The following CDH13 variants were observed in gnomAD, a reference collection of about 807,000 sequenced individuals.
The protein encoded by CDH13 is cadherin-13.
A neutral mutation model predicts 63.8 loss-of-function variants in CDH13; 24 were observed. The ratio of observed to expected loss-of-function variants is 0.38; its 90% CI spans 0.27 to 0.53. The LOEUF is 0.53. Ranked by LOEUF, CDH13 falls within the 20% of genes least tolerant of loss-of-function variation. The probability of loss-of-function intolerance (pLI) is 0.85; values close to 1 mark genes in which losing one functional copy is unlikely to be tolerated. For missense variants in CDH13, 1,049 were observed against 903.1 expected, an observed-to-expected ratio of 1.16 and a Z score of -2.07; for synonymous variants, 503 against 355.3, an observed-to-expected ratio of 1.42 and a Z score of -4.67.
At chr16:83,284,623 C>T (rs141579589) in intron 5 of CDH13, among the ~76,000 whole-genome samples, 2 of 152,020 alleles carry the variant, frequency 1.3e-5, no homozygotes, top group Non-Finnish European at 2.9e-5. Context: ...CTGGTCAACT[C>T]AGTGCAGAAA....
intron 1 of CDH13, among the ~76,000 whole-genome samples, chr16:82,787,270 A>G (rs755863514): frequency 1.3e-5 from 2 of 152,182 alleles, no homozygotes; most frequent in African/African-American, 2.4e-5. Context: ...ACAGCTGAGC[A>G]TGGCCAATCT....
chr16:83,475,558 A>T (rs1194077464), intron 6 of CDH13, among the ~76,000 whole-genome samples: 2 of 152,104 alleles, frequency 1.3e-5, no homozygotes, highest in Non-Finnish European at 2.9e-5. Flanking sequence ...AGCCTAGCCT[A>T]ATATAGTCTA....
At chr16:83,649,237 C>G (rs1424300454) in intron 8 of CDH13, among the ~76,000 whole-genome samples, 1 of 152,180 alleles carries the variant, frequency 6.6e-6, no homozygotes, top group Non-Finnish European at 1.5e-5. Flanking sequence ...TCAATCAGAC[C>G]CAATGAGGAT....
intron 4 of CDH13, among the ~76,000 whole-genome samples, chr16:83,173,116 A>G (rs1242611660): frequency 6.6e-6 from 1 of 152,150 alleles, no homozygotes; most frequent in Non-Finnish European, 1.5e-5. Flanking sequence ...ATATGGATTC[A>G]TGTAATTCTC....
chr16:83,655,722 G>A (rs141622724), intron 8 of CDH13, among the ~76,000 whole-genome samples: 23 of 152,326 alleles, frequency 1.5e-4, no homozygotes, highest in African/African-American at 5.5e-4. Flanking sequence ...TTTGTTCAGT[G>A]AAGACTCCCA....
At chr16:83,002,165 A>C (rs1212902719) in intron 2 of CDH13, among the ~76,000 whole-genome samples, 1 of 152,172 alleles carries the variant, frequency 6.6e-6, no homozygotes, top group Non-Finnish European at 1.5e-5. Context: ...CCTTCTTTGG[A>C]AAAAGGGTCT....
chr16:82,687,515 A>C (rs1409202334), intron 1 of CDH13, among the ~76,000 whole-genome samples: 1 of 152,148 alleles, frequency 6.6e-6, no homozygotes, highest in Non-Finnish European at 1.5e-5. Context: ...GCAAAGTCAC[A>C]TCTTGCATGG....
rs74762653 is a variant in CDH13, at chr16:83,350,269, G to C, written c.781+5263G>C. Among the ~76,000 whole-genome samples, 169 of 152,320 alleles carry C rather than the reference G, an allele frequency of 1.1e-3. 1 individual carries two copies. The highest frequency in any genetic ancestry group is 3.9e-3 in the African/African-American group (162 of 41,576). ...TGGCAGCCAGGGCAGCTGGGAGAATGGCAGCCCCCCACCCTGGACGGGTGG... is the reference window on the plus strand; with the variant it reads ...TGGCAGCCAGGGCAGCTGGGAGAATCGCAGCCCCCCACCCTGGACGGGTGG... On this transcript the variant is annotated intron_variant, in intron 6 of 13. Transcript: ENST00000567109.
chr16:82,657,769 A>G (rs188578971), intron 1 of CDH13, among the ~76,000 whole-genome samples: 1 of 152,328 alleles, frequency 6.6e-6, no homozygotes. Context: ...GCTTTTTTAC[A>G]TTAACCTCGT....
intron 3 of CDH13, among the ~76,000 whole-genome samples, chr16:83,118,951 C>A (rs1196405092): frequency 6.6e-6 from 1 of 152,184 alleles, no homozygotes; most frequent in Admixed American, 6.5e-5. Context: ...AGGTCAGCCC[C>A]ATTCCTTGTC....
chr16:83,478,215 G>C (rs1649909423), intron 6 of CDH13, among the ~76,000 whole-genome samples: 1 of 151,680 alleles, frequency 6.6e-6, no homozygotes, highest in Non-Finnish European at 1.5e-5. Flanking sequence ...TTTCAGACAT[G>C]CAGTAATTCC....
intron 4 of CDH13, among the ~76,000 whole-genome samples, chr16:83,203,106 C>T (rs1486699978): frequency 1.3e-5 from 2 of 152,174 alleles, no homozygotes; most frequent in South Asian, 4.1e-4. Context: ...CGCCTGTAAT[C>T]TTAGCTACTT....
intron 1 of CDH13, among the ~76,000 whole-genome samples, chr16:82,822,938 G>A (rs2038071462): frequency 6.6e-6 from 1 of 152,190 alleles, no homozygotes; most frequent in South Asian, 2.1e-4. Context: ...CGAGGCTGGA[G>A]TCATCTGGAA....
intron 1 of CDH13, chr16:82,823,736 T>A (rs1324424232): frequency 6.6e-6 from 1 of 152,288 alleles, no homozygotes; most frequent in South Asian, 2.1e-4. Flanking sequence ...GAAAGATAAA[T>A]GTATATGTTA....
At chr16:83,026,674 T>A (rs1337549831) in intron 2 of CDH13, among the ~76,000 whole-genome samples, 2 of 152,188 alleles carry the variant, frequency 1.3e-5, no homozygotes, top group African/African-American at 2.4e-5. Flanking sequence ...AACCCTGCTA[T>A]AGAATTGCTA....
intron 5 of CDH13, among the ~76,000 whole-genome samples, chr16:83,323,228 T>TTCTA (rs2090278602): frequency 2.7e-5 from 4 of 148,974 alleles, no homozygotes; most frequent in Non-Finnish European, 5.9e-5. Flanking sequence ...CTTTCTTTCT[T>TTCTA]TCTTTCTTTC....
chr16:83,113,022 A>C lies in CDH13; in HGVS notation c.367-12363A>C, dbSNP rs554032536. On this transcript the variant is annotated intron_variant, in intron 3 of 13. Transcript: ENST00000567109. ...GGATGGCAGAAGTTACAAGGAACGC[A>C]AAAGCAGGGAGCGTGAGCCAACACC... Among the ~76,000 whole-genome samples the C allele has an allele frequency of 4.6e-5, 7 of 152,322 alleles. No individual in the cohort carries two copies. The East Asian group carries it at 9.6e-4, about 21-fold the overall frequency.
intron 1 of CDH13, among the ~76,000 whole-genome samples, chr16:82,681,287 C>A (rs1216816883): frequency 6.6e-6 from 1 of 152,108 alleles, no homozygotes; most frequent in East Asian, 1.9e-4. Flanking sequence ...GATGAAATGT[C>A]CAGAATAGGC....
chr16:82,742,373 T>C (rs900089501), intron 1 of CDH13, among the ~76,000 whole-genome samples: 3 of 152,164 alleles, frequency 2.0e-5, no homozygotes, highest in Non-Finnish European at 4.4e-5. Context: ...ACATAGCATT[T>C]ATAGTAAATG....
Sources: allele counts gnomAD v4.1 joint callset (sites outside exome capture counted in the v4.1 genomes callset), GRCh38; gene constraint gnomAD v4.1.1; transcripts MANE v1.5; gene names NCBI Gene and HGNC (gene_info 2026-07-23, HGNC 2026-07-21).